RAB4B: variants seen among roughly 807,000 people sequenced by gnomAD.
RAB4B encodes ras-related protein Rab-4B.
A neutral mutation model predicts 28.3 loss-of-function variants in RAB4B; 15 were observed. The ratio of observed to expected loss-of-function variants is 0.53; its 90% CI spans 0.35 to 0.82. The LOEUF (loss-of-function observed/expected upper bound fraction) is 0.82, where lower values mean the gene tolerates loss of function less well. RAB4B is among the 40% of genes least tolerant of loss of function. RAB4B has a pLI of 0.01. For synonymous variants in RAB4B, 108 were observed against 116.3 expected, an observed-to-expected ratio of 0.93 and a Z score of 0.46; for missense variants, 244 against 288.5, an observed-to-expected ratio of 0.85 and a Z score of 1.12.
Position 40,780,011 on chromosome 19 carries a change from C to T in RAB4B, c.17-8C>T. 6.2e-7 allele frequency: 1 copy of T among 1,612,252 alleles called. No homozygotes were observed. Among genetic ancestry groups the T allele is most frequent in the Non-Finnish European group, 8.5e-7 (1 of 1,178,274 alleles). Reference sequence around the variant, plus strand: ...TGGGTATCCCTGATTTTGGCTCCATCTGGTCAGACTTCCTCTTCAAATTCC... The same window carrying T: ...TGGGTATCCCTGATTTTGGCTCCATTTGGTCAGACTTCCTCTTCAAATTCC... On this transcript the variant is annotated splice_polypyrimidine_tract_variant and splice_region_variant and intron_variant, in intron 1 of 7. Transcript: ENST00000357052.
rs2083021400 is a variant in RAB4B at position 40,778,885 on chromosome 19, C to T, written c.16+494C>T. Among the ~76,000 whole-genome samples the T allele has an allele frequency of 2.0e-5, 3 of 151,848 alleles. No individual in the cohort carries two copies. In the South Asian group the frequency reaches 6.2e-4, roughly 32 times the overall value. The stretch of plus-strand genomic sequence containing the variant: ...TGGGACTTATGCATGAGAATGGAGC[C>T]GGGTTCTGGGCAGAGGGAGGGAAGG... On this transcript the variant is annotated intron_variant, in intron 1 of 7. Coordinates refer to ENST00000357052, the MANE Select transcript of RAB4B (RefSeq NM_016154.5).
At chr19:40,785,245 C>T (rs1351155566) in intron 5 of RAB4B, among the ~76,000 whole-genome samples, 1 of 151,112 alleles carries the variant, frequency 6.6e-6, no homozygotes, top group Non-Finnish European at 1.5e-5. Flanking sequence ...ATGGCTCACA[C>T]CTGTAATCCC....
chr19:40,786,911 T>C lies in RAB4B; in HGVS notation c.590T>C (p.Leu197Pro). The C allele has an allele frequency of 6.2e-7, 1 of 1,614,042 alleles. No homozygotes were observed. Among genetic ancestry groups the C allele is most frequent in the Non-Finnish European group, 8.5e-7 (1 of 1,179,956 alleles). ...TACGGGGATGCGTCCCTCCGCCAGC[T>C]TCGGCAGCCTCGGAGTGCCCAGGCC... ...IQYGDASLRQ[L>P]RQPRSAQAVA... Residue 197 changes from leucine (L) to proline (P), a missense_variant, in exon 7 of 8, where the codon CTT (leucine) becomes CCT (proline). Physicochemically the swap from Leu to Pro is moderately conservative, Grantham distance 98. Coordinates refer to ENST00000357052, the MANE Select transcript of RAB4B (RefSeq NM_016154.5).
At chr19:40,783,147 C>G (rs1428170246) in intron 3 of RAB4B, among the ~76,000 whole-genome samples, 1 of 35,682 alleles carries the variant, frequency 2.8e-5, no homozygotes, top group African/African-American at 7.7e-5. Flanking sequence ...GATTCCTACT[C>G]AAAAAAAAAA....
At chr19:40,786,428 GGAA>G (rs2083099909) in intron 5 of RAB4B, 3 of 520,754 alleles carry the variant, frequency 5.8e-6, no homozygotes, top group South Asian at 4.0e-5. Context: ...ACTCAGCCCA[GGAA>G]GTCAGGGAGG....
chr19:40,790,385 T>C (rs1229552538), intron 7 of RAB4B, among the ~76,000 whole-genome samples: 2 of 151,764 alleles, frequency 1.3e-5, no homozygotes, highest in African/African-American at 4.8e-5. Flanking sequence ...TGTCTTTTTA[T>C]TTTGAGACAG....
intron 7 of RAB4B, chr19:40,794,393 T>C (rs1022083068): frequency 2.5e-4 from 37 of 147,054 alleles, no homozygotes; most frequent in African/African-American, 8.7e-4. Context: ...AAATTTTTTT[T>C]TTTAAATAAT....
chr19:40,778,641 G>A (rs146247868), intron 1 of RAB4B, among the ~76,000 whole-genome samples: 2,655 of 152,262 alleles, frequency 0.017, 35 homozygotes, highest in Non-Finnish European at 0.025. Flanking sequence ...GAGGGGTTCA[G>A]GGAGGCCCTG....
chr19:40,790,685 T>TA (rs1298690591), intron 7 of RAB4B, among the ~76,000 whole-genome samples: 2 of 84,512 alleles, frequency 2.4e-5, no homozygotes, highest in East Asian at 8.4e-4. Context: ...TTTTTTTTTT[T>TA]AATTTTAGAG....
intron 3 of RAB4B, among the ~76,000 whole-genome samples, chr19:40,781,793 G>A (rs868805217): frequency 4.6e-5 from 7 of 151,972 alleles, no homozygotes; most frequent in South Asian, 2.1e-4. Context: ...AGGCCGAGGC[G>A]GGCGGATCAC....
At chr19:40,778,476 A>T in intron 1 of RAB4B, 85 bp downstream of exon 1, 3 of 1,288,758 alleles carry the variant, frequency 2.3e-6, no homozygotes, top group Non-Finnish European at 2.0e-6. Flanking sequence ...TTTGTAGATC[A>T]GGGGGCGGGG....
In RAB4B at chr19:40,783,917, A is replaced by C. The variant is rs778207164; in HGVS notation, c.276-4A>C. On this transcript the variant is annotated splice_polypyrimidine_tract_variant and splice_region_variant and intron_variant, in intron 4 of 7. Coordinates refer to ENST00000357052, the MANE Select transcript of RAB4B (RefSeq NM_016154.5). ...TGCCTCCCTCCCTTCTCCCTTCTCC[A>C]CAGCCGGGAGACATACAACTCACTG... is the stretch of plus-strand genomic sequence containing the variant. The C allele has an allele frequency of 6.2e-7, 1 of 1,601,586 alleles. No homozygotes were observed. The highest frequency in any genetic ancestry group is 1.1e-5 in the South Asian group (1 of 90,320).
intron 7 of RAB4B, among the ~76,000 whole-genome samples, chr19:40,787,436 G>C (rs1048074018): frequency 6.6e-6 from 1 of 152,066 alleles, no homozygotes; most frequent in Non-Finnish European, 1.5e-5. Context: ...TCGGGAAGTT[G>C]AGGCAGGAGA....
At chr19:40,779,896 C>A (rs756939436) in intron 1 of RAB4B, 123 bp from the exon 2 acceptor site, 1 of 1,573,838 alleles carries the variant, frequency 6.4e-7, no homozygotes, top group South Asian at 1.2e-5. Context: ...TTGTTTCTGC[C>A]TATGTCTGTT....
Position 40,789,501 on chromosome 19 carries a change from C to CTTTT in RAB4B, c.*15+2541_*15+2544dup, listed in dbSNP as rs60806942. On this transcript the variant is annotated intron_variant, in intron 7 of 7. Coordinates refer to ENST00000357052, the MANE Select transcript of RAB4B (RefSeq NM_016154.5). ...ACAGGCGGGAGCCACCACGCCCAGC[C>CTTTT]TTTTTTTTTTTTTTTTTTTTTGAGA... Among the ~76,000 whole-genome samples the CTTTT allele has an allele frequency of 5.3e-3, 616 of 116,532 alleles. 21 individuals carry two copies. Among genetic ancestry groups the CTTTT allele is most frequent in the African/African-American group, 0.022 (572 of 26,288 alleles). 76.4% of individuals were successfully genotyped at this position (116,532 alleles called of 152,430 possible). A position where few individuals can be genotyped will look rare whatever the true frequency, so the allele number is the denominator to read the frequency against.
chr19:40,789,756 C>T (rs2083139729), intron 7 of RAB4B, among the ~76,000 whole-genome samples: 1 of 152,186 alleles, frequency 6.6e-6, no homozygotes, highest in Non-Finnish European at 1.5e-5. Flanking sequence ...ACCTCAGCCT[C>T]CCAAAGTGCT....
At chr19:40,795,468 T>C (rs1050138065) in intron 7 of RAB4B, among the ~76,000 whole-genome samples, 1 of 151,824 alleles carries the variant, frequency 6.6e-6, no homozygotes, top group African/African-American at 2.4e-5. Context: ...GGTGTGATCT[T>C]GGCTCACTGC....
Position 40,783,990 on chromosome 19 carries a change from G to T in RAB4B, c.345G>T (p.Val115=). 1 of 1,614,174 alleles carries T rather than the reference G, an allele frequency of 6.2e-7. No individual in the cohort carries two copies. The highest frequency in any genetic ancestry group is 1.1e-5 in the South Asian group (1 of 91,084). Reference sequence around the variant, plus strand: ...GCACCCTGGCCAGCCCCAACATCGTGGTCATCCTCTGTGGCAACAAGAAGG... The same window carrying T: ...GCACCCTGGCCAGCCCCAACATCGTTGTCATCCTCTGTGGCAACAAGAAGG... ...DARTLASPNI[V]VILCGNKKDL... The change falls in exon 5 of 8, where the codon GTG becomes GTT. Residue 115 remains valine (V), a synonymous_variant. Coordinates refer to ENST00000357052, the MANE Select transcript of RAB4B (RefSeq NM_016154.5).
chr19:40,788,939 G>A (rs1054219271), intron 7 of RAB4B, among the ~76,000 whole-genome samples: 5 of 151,430 alleles, frequency 3.3e-5, no homozygotes, highest in Non-Finnish European at 5.9e-5. Flanking sequence ...CCGCCACCAC[G>A]CCTGGCTAAT....
Sources: allele counts gnomAD v4.1 joint callset (sites outside exome capture counted in the v4.1 genomes callset), GRCh38; gene constraint gnomAD v4.1.1; transcripts MANE v1.5; gene names NCBI Gene and HGNC (gene_info 2026-07-23, HGNC 2026-07-21).